The following GADL1 variants were observed in gnomAD, a reference collection of about 807,000 sequenced individuals.
The protein encoded by GADL1 is acidic amino acid decarboxylase GADL1.
A neutral mutation model predicts 69.5 loss-of-function variants in GADL1; 71 were observed. The observed-to-expected ratio is 1.02, with a 90% CI of 0.84 to 1.25. The LOEUF (loss-of-function observed/expected upper bound fraction) is 1.25. GADL1 is among the 50% of genes most tolerant of loss of function. The pLI, the probability that GADL1 is intolerant of heterozygous loss-of-function variation, is 0.00. For synonymous variants in GADL1, 254 were observed against 214.4 expected (o/e 1.18, Z -1.62); for missense variants, 737 against 631.8 (o/e 1.17, Z -1.79).
At chr3:30,879,774 G>A (rs891111748) in intron 1 of GADL1, among the ~76,000 whole-genome samples, 3 of 151,804 alleles carry the variant, frequency 2.0e-5, no homozygotes, top group African/African-American at 4.8e-5. Context: ...GGTAGCCATT[G>A]AAGGTGCACA....
At chr3:30,821,270 G>A (rs1469772296) in intron 11 of GADL1, among the ~76,000 whole-genome samples, 1 of 151,982 alleles carries the variant, frequency 6.6e-6, no homozygotes, top group East Asian at 1.9e-4. Context: ...CATGGCACAT[G>A]TATACATATG....
intron 12 of GADL1, among the ~76,000 whole-genome samples, chr3:30,786,778 GTTT>G (rs1302717407): frequency 3.9e-5 from 6 of 152,280 alleles, no homozygotes; most frequent in East Asian, 1.9e-4. Flanking sequence ...GGAGGAAAGA[GTTT>G]TTTGTTTTGT....
chr3:30,864,875 A>G (rs191337407), intron 1 of GADL1, among the ~76,000 whole-genome samples: 51 of 151,934 alleles, frequency 3.4e-4, no homozygotes, highest in Admixed American at 2.5e-3. Context: ...TAGCCTCCCA[A>G]CTAACCACCT....
chr3:30,851,070 T>G (rs1388884351), intron 4 of GADL1, 129 bp from the exon 5 acceptor site: 10 of 573,452 alleles, frequency 1.7e-5, no homozygotes, highest in Non-Finnish European at 2.8e-5. Context: ...TGGAAATTTA[T>G]CCATTGAAAA....
At chr3:30,755,485 A>AGAT (rs1641215058) in intron 14 of GADL1, among the ~76,000 whole-genome samples, 1 of 152,232 alleles carries the variant, frequency 6.6e-6, no homozygotes, top group Non-Finnish European at 1.5e-5. Context: ...GTAACCTGAA[A>AGAT]GATAAGTGAA....
At chr3:30,875,561 A>T (rs758038892) in intron 1 of GADL1, among the ~76,000 whole-genome samples, 1 of 151,942 alleles carries the variant, frequency 6.6e-6, no homozygotes, top group Non-Finnish European at 1.5e-5. Flanking sequence ...ATAGTCATGC[A>T]GGCCAGGATA....
intron 6 of GADL1, among the ~76,000 whole-genome samples, chr3:30,849,748 A>G (rs183341718): frequency 6.6e-6 from 1 of 152,244 alleles, no homozygotes; most frequent in African/African-American, 2.4e-5. Context: ...GCACTTTCAA[A>G]TTAAATATTC....
chr3:30,735,010 CTTTGTTG>C lies in GADL1; in HGVS notation c.1393-6602_1393-6596del, dbSNP rs577212086. The stretch of plus-strand genomic sequence containing the variant: ...TTCAGGTACCATCTAAATCTCTCTA[CTTTGTTG>C]TTGTTGTTTTTCTTCCTGATTTAGT... On this transcript the variant is annotated intron_variant, in intron 14 of 14. Coordinates refer to ENST00000282538, the MANE Select transcript of GADL1 (RefSeq NM_207359.3). 8.7e-4 allele frequency among the ~76,000 whole-genome samples: 133 copies of C among 152,278 alleles called. No individual in the cohort carries two copies. The Middle Eastern group carries it at 0.014, about 16-fold the overall frequency.
At chr3:30,814,287 C>G (rs542117837) in intron 11 of GADL1, among the ~76,000 whole-genome samples, 1 of 152,266 alleles carries the variant, frequency 6.6e-6, no homozygotes, top group East Asian at 1.9e-4. Context: ...ACTGAGAAAT[C>G]ATAGTTAATC....
At chr3:30,870,869 C>G (rs1490833089) in intron 1 of GADL1, among the ~76,000 whole-genome samples, 1 of 151,656 alleles carries the variant, frequency 6.6e-6, no homozygotes, top group Non-Finnish European at 1.5e-5. Flanking sequence ...CTAGTGAACC[C>G]TCTATACTGA....
At chr3:30,769,943 T>C (rs199881396) in intron 14 of GADL1, among the ~76,000 whole-genome samples, 1 of 43,822 alleles carries the variant, frequency 2.3e-5, no homozygotes, top group African/African-American at 2.5e-4. Flanking sequence ...TTAGGTAAGA[T>C]ATTACACATT....
At chr3:30,741,410 C>T (rs956435754) in intron 14 of GADL1, among the ~76,000 whole-genome samples, 55 of 152,104 alleles carry the variant, frequency 3.6e-4, no homozygotes, top group African/African-American at 1.3e-3. Flanking sequence ...GCTGATGGAA[C>T]AAGCCTGCCT....
At chr3:30,875,527 A>G (rs1698566018) in intron 1 of GADL1, among the ~76,000 whole-genome samples, 2 of 152,076 alleles carry the variant, frequency 1.3e-5, no homozygotes, top group South Asian at 4.1e-4. Context: ...AACACAAGTT[A>G]TCAGATGTCG....
chr3:30,839,778 G>A (rs1418076638), intron 8 of GADL1, among the ~76,000 whole-genome samples: 3 of 152,096 alleles, frequency 2.0e-5, no homozygotes, highest in Non-Finnish European at 4.4e-5. Context: ...TATAGCTGAT[G>A]ACTGCATCTT....
chr3:30,805,995 C>T (rs1697247190), intron 11 of GADL1, among the ~76,000 whole-genome samples: 1 of 151,938 alleles, frequency 6.6e-6, no homozygotes, highest in South Asian at 2.1e-4. Flanking sequence ...TGCTTGCTCA[C>T]CTACCACTCA....
At chr3:30,867,369 T>A (rs1475282676) in intron 1 of GADL1, among the ~76,000 whole-genome samples, 1 of 150,150 alleles carries the variant, frequency 6.7e-6, no homozygotes, top group Non-Finnish European at 1.5e-5. Flanking sequence ...TATGTATTTA[T>A]CTTAAATATG....
intron 6 of GADL1, among the ~76,000 whole-genome samples, chr3:30,849,465 G>GC: frequency 6.6e-6 from 1 of 152,214 alleles, no homozygotes; most frequent in South Asian, 2.1e-4. Flanking sequence ...CAAAGCCTAT[G>GC]CGCTTATCTA....
chr3:30,883,871 G>A (rs745357689), intron 1 of GADL1, among the ~76,000 whole-genome samples: 1 of 151,836 alleles, frequency 6.6e-6, no homozygotes, highest in Non-Finnish European at 1.5e-5. Flanking sequence ...CATTGGGTTT[G>A]TTACTATTTT....
chr3:30,868,056 C>T (rs539341571), intron 1 of GADL1, among the ~76,000 whole-genome samples: 10 of 152,130 alleles, frequency 6.6e-5, no homozygotes, highest in Admixed American at 3.3e-4. Context: ...CTGCCCAGAC[C>T]TCCCACCTTG....
Sources: allele counts gnomAD v4.1 joint callset (sites outside exome capture counted in the v4.1 genomes callset), GRCh38; gene constraint gnomAD v4.1.1; transcripts MANE v1.5; gene names NCBI Gene and HGNC (gene_info 2026-07-23, HGNC 2026-07-21).